Variants in GTF2IRD2 observed in about 807,000 individuals in gnomAD.
GTF2IRD2 encodes GTF2I repeat domain containing 2, also known as general transcription factor II-I repeat domain-containing protein 2A.
GTF2IRD2 carries 8 observed loss-of-function variants against 49.2 expected under a neutral mutation model. That is an observed-to-expected ratio of 0.16 (90% CI 0.10 to 0.29). GTF2IRD2 has a LOEUF of 0.29. Ranked by LOEUF, GTF2IRD2 falls within the 10% of genes least tolerant of loss-of-function variation. The pLI is 1.00. For synonymous variants in GTF2IRD2, 47 were observed against 289.7 expected (o/e 0.16, Z 8.51); for missense variants, 130 against 725.7 (o/e 0.18, Z 9.43).
intron 3 of GTF2IRD2, among the ~76,000 whole-genome samples, chr7:74,825,360 C>T (rs1466819231): frequency 5.9e-5 from 7 of 117,720 alleles, no homozygotes; most frequent in Non-Finnish European, 1.2e-4. Context: ...AATTTCTGGG[C>T]TTAAGCGGTC....
In GTF2IRD2 at chr7:74,841,531, G is replaced by C. The variant is rs1358500864; in HGVS notation, c.-5-5148C>G. On this transcript the variant is annotated intron_variant, in intron 1 of 15. Coordinates refer to ENST00000451013, the MANE Select transcript of GTF2IRD2 (RefSeq NM_173537.5). ...CACCCAGGCTGGAGTGCAGTGGCTT[G>C]ATCATGGCTCCCTGCAGCCTCCAAC... Among the ~76,000 whole-genome samples, 3 of 135,454 alleles carry C rather than the reference G, an allele frequency of 2.2e-5. No homozygotes were observed. The East Asian group carries it at 6.0e-4, about 27-fold the overall frequency. 88.9% of individuals were successfully genotyped at this position (135,454 alleles called of 152,430 possible).
rs3053908 is a variant in GTF2IRD2 at position 74,838,379 on chromosome 7, AT to A, written c.-5-1997del. ...AAAGCTCACTCTAAATTTTGCCAAGATTTTTTTTTTTTTTTTTAGCTTTTTG... is the reference window on the plus strand; with the variant it reads ...AAAGCTCACTCTAAATTTTGCCAAGATTTTTTTTTTTTTTTTAGCTTTTTG... On this transcript the variant is annotated intron_variant, in intron 1 of 15. Transcript: ENST00000451013. Among the ~76,000 whole-genome samples, 231 of 107,216 alleles carry A rather than the reference AT, an allele frequency of 2.2e-3. 2 individuals carry two copies. Among genetic ancestry groups the A allele is most frequent in the Non-Finnish European group, 3.1e-3 (187 of 59,404 alleles). 70.3% of individuals were successfully genotyped at this position (107,216 alleles called of 152,430 possible). A position where few individuals can be genotyped will look rare whatever the true frequency, so the allele number is the denominator to read the frequency against.
chr7:74,831,504 T>TACACACAC (rs4029807), intron 3 of GTF2IRD2, among the ~76,000 whole-genome samples: 3,644 of 119,034 alleles, frequency 0.031, 55 homozygotes, highest in African/African-American at 0.069. Flanking sequence ...TCTCTGTACA[T>TACACACAC]ACACACACAC....
intron 1 of GTF2IRD2, among the ~76,000 whole-genome samples, chr7:74,844,360 T>TTTTATTTA (rs1194941580): frequency 0.062 from 812 of 13,114 alleles, 27 homozygotes; most frequent in African/African-American, 0.096. Flanking sequence ...ATTATGTTTT[T>TTTTATTTA]TTTATTTATT....
In GTF2IRD2 at chr7:74,796,292, C is replaced by T. The variant is rs1458988413; in HGVS notation, c.*370G>A. The T allele has an allele frequency of 4.2e-5, 12 of 288,934 alleles. No individual in the cohort carries two copies. Among genetic ancestry groups the T allele is most frequent in the Non-Finnish European group, 8.1e-5 (12 of 148,716 alleles). 17.9% of individuals were successfully genotyped at this position (288,934 alleles called of 1,614,324 possible). A position where few individuals can be genotyped will look rare whatever the true frequency, so the allele number is the denominator to read the frequency against. The stretch of plus-strand genomic sequence containing the variant: ...AAGAACTCATTTTGTCAGCTGGGCA[C>T]AGTGGTTCATGCCTGTAATCCCAGC... On this transcript the variant is annotated 3_prime_UTR_variant, in exon 16 of 16. Transcript: ENST00000451013.
rs1411231479 is a variant in GTF2IRD2 at position 74,828,004 on chromosome 7, C to T, written c.239-2952G>A. Among the ~76,000 whole-genome samples the T allele has an allele frequency of 7.2e-5, 2 of 27,738 alleles. 1 individual carries two copies. Among genetic ancestry groups the T allele is most frequent in the Admixed American group, 9.8e-4 (2 of 2,046 alleles). 18.2% of individuals were successfully genotyped at this position (27,738 alleles called of 152,430 possible). ...AAAATTTTTGTATTTTTAGTAGAGA[C>T]GGGGTTTTCCCATGTTGACCAGGCT... On this transcript the variant is annotated intron_variant, in intron 3 of 15. Coordinates refer to ENST00000451013, the MANE Select transcript of GTF2IRD2 (RefSeq NM_173537.5).
At chr7:74,799,736 C>T (rs1797367429) in intron 15 of GTF2IRD2, among the ~76,000 whole-genome samples, 1 of 152,296 alleles carries the variant, frequency 6.6e-6, no homozygotes. Flanking sequence ...AAGAACCTGG[C>T]CACCCTGCAG....
At chr7:74,829,903 T>A (rs1241016868) in intron 3 of GTF2IRD2, among the ~76,000 whole-genome samples, 2 of 77,130 alleles carry the variant, frequency 2.6e-5, no homozygotes, top group African/African-American at 1.2e-4. Context: ...AAAAAAAAAA[T>A]TCATATGGAA....
At chr7:74,808,774 G>T (rs1797939755) in intron 11 of GTF2IRD2, among the ~76,000 whole-genome samples, 1 of 72,654 alleles carries the variant, frequency 1.4e-5, no homozygotes, top group African/African-American at 3.7e-5. Context: ...ATCTCGCTCT[G>T]TCACCCAGGC....
At position 74,797,101 on chromosome 7, in the gene GTF2IRD2, G is replaced by T; in HGVS notation, c.2411C>A (p.Ala804Asp). 6.4e-7 allele frequency: 1 copy of T among 1,557,544 alleles called. No homozygotes were observed. The highest frequency in any genetic ancestry group is 1.5e-5 in the African/African-American group (1 of 64,892). Residue 804 changes from alanine (A) to aspartate (D), a missense_variant, in exon 16 of 16, where the codon GCC becomes GAC. By Grantham distance (126) the Ala-to-Asp change is moderately radical. Transcript: ENST00000451013. The stretch of plus-strand genomic sequence containing the variant: ...AGCCAATTTCAGGGTGGGAAAGTGG[G>T]CCAGATTATTCCTCGTCAAATGAGT... The part of the protein sequence containing the change: ...WETHLTRNNL[A>D]HFPTLKLASR...
intron 4 of GTF2IRD2, among the ~76,000 whole-genome samples, chr7:74,823,680 G>C (rs1799114814): frequency 7.4e-6 from 1 of 135,336 alleles, no homozygotes; most frequent in South Asian, 2.5e-4. Context: ...GACATGGGTA[G>C]GTGGAGTGAC....
intron 3 of GTF2IRD2, among the ~76,000 whole-genome samples, chr7:74,830,233 T>C (rs2131756731): frequency 1.0e-5 from 1 of 99,616 alleles, no homozygotes; most frequent in African/African-American, 3.1e-5. Flanking sequence ...CTGGGCACGA[T>C]GACTCACGCC....
chr7:74,838,340 A>G (rs1313235595), intron 1 of GTF2IRD2, among the ~76,000 whole-genome samples: 1 of 130,634 alleles, frequency 7.7e-6, no homozygotes, highest in Non-Finnish European at 1.5e-5. Context: ...TTCCCTTCGG[A>G]CTTCTGTCTC....
In GTF2IRD2 at chr7:74,835,858, G is replaced by A. The variant is rs1331959149; in HGVS notation, c.99+422C>T. ...AAATAAGCCGGGCGTAGTGGCCGGC[G>A]CCTGTAATCCCAGCTACTTGGGAGG... On this transcript the variant is annotated intron_variant, in intron 2 of 15. Transcript: ENST00000451013. 3.7e-5 allele frequency among the ~76,000 whole-genome samples: 4 copies of A among 109,100 alleles called. No homozygotes were observed. The East Asian group carries it at 6.6e-4, about 18-fold the overall frequency. 71.6% of individuals were successfully genotyped at this position (109,100 alleles called of 152,430 possible). A position where few individuals can be genotyped will look rare whatever the true frequency, so the allele number is the denominator to read the frequency against.
intron 3 of GTF2IRD2, among the ~76,000 whole-genome samples, chr7:74,826,013 C>T (rs1296735191): frequency 6.6e-6 from 1 of 151,532 alleles, no homozygotes; most frequent in Admixed American, 6.6e-5. Context: ...TCTCGATCTC[C>T]TGACCTCGTG....
At chr7:74,824,279 G>A (rs1799182145) in intron 4 of GTF2IRD2, among the ~76,000 whole-genome samples, 1 of 69,156 alleles carries the variant, frequency 1.4e-5, no homozygotes, top group Non-Finnish European at 2.5e-5. Context: ...GACCAACCTG[G>A]CCAACATGGC....
chr7:74,839,835 C>A (rs1404387213), intron 1 of GTF2IRD2, among the ~76,000 whole-genome samples: 1 of 85,002 alleles, frequency 1.2e-5, no homozygotes, highest in Non-Finnish European at 2.1e-5. Context: ...GAGACCCCCC[C>A]CTTCTCTACT....
At chr7:74,798,827 A>T (rs1296789528) in intron 15 of GTF2IRD2, among the ~76,000 whole-genome samples, 3 of 145,736 alleles carry the variant, frequency 2.1e-5, no homozygotes, top group Non-Finnish European at 4.5e-5. Context: ...AGGTTTTCTA[A>T]AGAAAACCTG....
chr7:74,824,252 T>A (rs1170812101), intron 4 of GTF2IRD2, among the ~76,000 whole-genome samples: 1 of 90,210 alleles, frequency 1.1e-5, no homozygotes, highest in Non-Finnish European at 2.1e-5. Flanking sequence ...GAGGATCACC[T>A]GAGGTCAGGA....
Sources: gnomAD v4.1 joint callset for allele counts (sites outside exome capture counted in the v4.1 genomes callset) on GRCh38, gnomAD v4.1.1 for gene constraint, MANE v1.5 for transcripts, NCBI Gene and HGNC (gene_info 2026-07-23, HGNC 2026-07-21) for gene names.